Variants in MTERF4 observed in about 807,000 individuals in gnomAD.
MTERF4 encodes transcription termination factor 4, mitochondrial.
A neutral mutation model predicts 22.5 loss-of-function variants in MTERF4; 17 were observed. The ratio of observed to expected loss-of-function variants is 0.75; its 90% confidence interval spans 0.52 to 1.13. The LOEUF is 1.13. Ranked by LOEUF, MTERF4 falls within the 50% of genes most tolerant of loss-of-function variation. The probability of loss-of-function intolerance (pLI) is 0.00; values close to 1 mark genes in which losing one functional copy is unlikely to be tolerated. For missense variants in MTERF4, 420 were observed against 466.8 expected (o/e 0.90, Z 0.92); for synonymous variants, 165 against 175.3 (o/e 0.94, Z 0.47).
At chr2:241,085,150 A>C (rs2063517435), downstream of MTERF4, among the ~76,000 whole-genome samples, 1 of 151,436 alleles carries the variant, frequency 6.6e-6, no homozygotes, top group South Asian at 2.1e-4. Context: ...CTGGGTTTTA[A>C]TTTTGTCAAA....
At chr2:241,046,435 G>A in the MTERF4 span, among the ~76,000 whole-genome samples, 1 of 152,176 alleles carries the variant, frequency 6.6e-6, no homozygotes, top group East Asian at 1.9e-4. Flanking sequence ...TAGACAAATT[G>A]TGGAACCTCT....
downstream of MTERF4, chr2:241,091,544 G>C (rs916516666): frequency 3.0e-5 from 4 of 133,926 alleles, no homozygotes; most frequent in African/African-American, 1.3e-4. This position sits in a 1 kb window ranked among gnomAD's most constrained non-coding sequence, Gnocchi z 4.1. Flanking sequence ...CAGAGGCCCT[G>C]AGGGCCACTA....
chr2:241,087,976 G>C, downstream of MTERF4: 1 of 398,760 alleles, frequency 2.5e-6, no homozygotes, highest in Non-Finnish European at 4.4e-6. Context: ...CCAATGAGTA[G>C]CCACACGTAC....
chr2:241,102,051 C>CAAA (rs10650274), intron 1 of MTERF4: 5,124 of 551,558 alleles, frequency 9.3e-3, no homozygotes, highest in Middle Eastern at 0.016. Context: ...GACTTTGTCT[C>CAAA]AAAAAAAAAA....
the MTERF4 span, chr2:241,048,802 G>T: frequency 6.6e-7 from 1 of 1,515,872 alleles, no homozygotes; most frequent in Non-Finnish European, 9.1e-7. Context: ...CCCTGTCCCT[G>T]AGCATCCTCA....
At chr2:241,065,194 T>G in the MTERF4 span, 2 of 1,181,214 alleles carry the variant, frequency 1.7e-6, no homozygotes, top group African/African-American at 3.1e-5. Flanking sequence ...GCGATGGCTG[T>G]GTCAGGCCCA....
chr2:241,078,640 G>A (rs776308168), intron 4 of MTERF4, among the ~76,000 whole-genome samples: 1 of 151,794 alleles, frequency 6.6e-6, no homozygotes, highest in Non-Finnish European at 1.5e-5. Flanking sequence ...CTGGAGGGTG[G>A]AGGGGATGGG....
the MTERF4 span, chr2:241,048,182 A>G: frequency 9.2e-7 from 1 of 1,083,104 alleles, no homozygotes; most frequent in Non-Finnish European, 1.3e-6. Flanking sequence ...TTCCAGAAAT[A>G]AGCTTCTGGC....
downstream of MTERF4, chr2:241,071,776 C>A: frequency 1.3e-6 from 2 of 1,567,538 alleles, no homozygotes; most frequent in Non-Finnish European, 1.7e-6. Flanking sequence ...ACTGTGGTGA[C>A]CCTCCCACCC....
the MTERF4 span, chr2:241,048,900 C>T: frequency 8.5e-7 from 1 of 1,180,504 alleles, no homozygotes; most frequent in Non-Finnish European, 1.2e-6. Context: ...GAGGGACTGG[C>T]CACAAGAGTG....
chr2:241,083,015 C>T (rs1057236145), downstream of MTERF4, among the ~76,000 whole-genome samples: 1 of 152,144 alleles, frequency 6.6e-6, no homozygotes, highest in East Asian at 1.9e-4. Context: ...CAGAGCAGAC[C>T]AAAGCCCTGC....
Position 241,096,007 on chromosome 2 carries a change from C to G in MTERF4, c.1137G>C (p.Glu379Asp), listed in dbSNP as rs760185355. Residue 379 changes from glutamate to aspartate, a missense_variant, in exon 4 of 4, where the codon GAG becomes GAC. Transcript: ENST00000391980. The surrounding 1 kb of genome is among the most constrained non-coding windows in gnomAD (Gnocchi z 5.1). ...AGTCCTTCCATCACAGCTATTCCTCCTCGTCGTCGTCCTCATCCTCATCAT... is the reference window on the plus strand; with the variant it reads ...AGTCCTTCCATCACAGCTATTCCTCGTCGTCGTCGTCCTCATCCTCATCAT... Reference protein sequence around the residue: ...EDNDEDEDDDEEE With the variant: ...EDNDEDEDDDDEE 3.0e-5 allele frequency: 48 copies of G among 1,613,640 alleles called. No individual in the cohort carries two copies. Among genetic ancestry groups the G allele is most frequent in the South Asian group, 8.8e-5 (8 of 91,058 alleles).
chr2:241,086,237 C>G (rs1172921959), downstream of MTERF4, among the ~76,000 whole-genome samples: 1 of 152,220 alleles, frequency 6.6e-6, no homozygotes, highest in Non-Finnish European at 1.5e-5. Flanking sequence ...TCGTTCAACT[C>G]CTCAGTAGTT....
chr2:241,097,595 G>C lies in MTERF4; in HGVS notation c.521-168C>G, dbSNP rs532117522. Among the ~76,000 whole-genome samples, 3 of 152,278 alleles carry C rather than the reference G, an allele frequency of 2.0e-5. No individual in the cohort carries two copies. The South Asian group carries it at 6.2e-4, about 32-fold the overall frequency. On this transcript the variant is annotated intron_variant, in intron 2 of 3. Transcript: ENST00000391980. ...ATCTTCCCAGAAGCACCATGGAAAT[G>C]ATACATCTCCCCACTGACTTCCTGA...
chr2:241,094,091 C>A (rs570685210), downstream of MTERF4: 16 of 347,808 alleles, frequency 4.6e-5, no homozygotes, highest in South Asian at 3.5e-4. This position sits in a 1 kb window ranked among gnomAD's most constrained non-coding sequence, Gnocchi z 4.3. Flanking sequence ...AATGAAAACA[C>A]TGGCACAGTG....
the MTERF4 span, among the ~76,000 whole-genome samples, chr2:241,046,718 CTG>C: frequency 6.6e-6 from 1 of 152,178 alleles, no homozygotes; most frequent in African/African-American, 2.4e-5. Context: ...TGTATCCTGA[CTG>C]TGGTGGGGGT....
At chr2:241,102,089 T>A in intron 1 of MTERF4, 164 bp downstream of exon 1, 1 of 869,580 alleles carries the variant, frequency 1.1e-6, no homozygotes, top group Admixed American at 2.4e-5. Flanking sequence ...CCACAATAAT[T>A]GAGCAGAGCC....
At chr2:241,052,090 C>G in the MTERF4 span, 1 of 1,613,940 alleles carries the variant, frequency 6.2e-7, no homozygotes, top group Non-Finnish European at 8.5e-7. Flanking sequence ...GCGGCACCTG[C>G]TTCCACTACA....
intron 1 of MTERF4, among the ~76,000 whole-genome samples, chr2:241,100,908 G>A (rs558364551): frequency 1.3e-5 from 2 of 152,244 alleles, no homozygotes; most frequent in Middle Eastern, 3.4e-3. Flanking sequence ...TAGTCAACTT[G>A]CATACACAAT....
Sources: allele counts gnomAD v4.1 joint callset (sites outside exome capture counted in the v4.1 genomes callset), GRCh38; gene constraint gnomAD v4.1.1; non-coding constraint Gnocchi (gnomAD v3.1); transcripts MANE v1.5; gene names NCBI Gene and HGNC (gene_info 2026-07-23, HGNC 2026-07-21).